KDELR3: variants seen among roughly 807,000 people sequenced by gnomAD.
KDELR3 encodes the protein ER lumen protein-retaining receptor 3.
A neutral mutation model predicts 22.7 loss-of-function variants in KDELR3; 26 were observed. The observed-to-expected ratio is 1.15, with a 90% confidence interval of 0.84 to 1.59. The LOEUF (loss-of-function observed/expected upper bound fraction) is 1.59, where lower values mean the gene tolerates loss of function less well. Among genes scored for constraint, KDELR3 ranks in the 40% most tolerant of loss-of-function variants. The pLI, the probability that KDELR3 is intolerant of heterozygous loss-of-function variation, is 0.00. For synonymous variants in KDELR3, 120 were observed against 98.2 expected (o/e 1.22, Z -1.31); for missense variants, 289 against 251.1 (o/e 1.15, Z -1.02).
In KDELR3 at chr22:38,470,464, G is replaced by A. The variant is rs372905115; in HGVS notation, c.91+2140G>A. ...TCCTAGGAAACTGAGCAAATGACAC[G>A]GTTTGTTGGAGGCCATAGTGAGTAC... On this transcript the variant is annotated intron_variant, in intron 1 of 4. Transcript: ENST00000216014. 3.3e-4 allele frequency among the ~76,000 whole-genome samples: 50 copies of A among 152,208 alleles called. No individual in the cohort carries two copies. In the South Asian group the frequency reaches 8.9e-3, roughly 27 times the overall value.
chr22:38,469,346 G>A (rs775942049), intron 1 of KDELR3, among the ~76,000 whole-genome samples: 1 of 152,246 alleles, frequency 6.6e-6, no homozygotes, highest in East Asian at 1.9e-4. Context: ...AGGCCAGGGA[G>A]TTGGGTCTGG....
chr22:38,469,511 G>C lies in KDELR3; in HGVS notation c.91+1187G>C, dbSNP rs116123683. 4.0e-3 allele frequency among the ~76,000 whole-genome samples: 604 copies of C among 152,314 alleles called. 3 individuals are homozygous for C. The highest frequency in any genetic ancestry group is 0.014 in the African/African-American group (576 of 41,564). On this transcript the variant is annotated intron_variant, in intron 1 of 4. Coordinates refer to ENST00000216014, the MANE Select transcript of KDELR3 (RefSeq NM_006855.4). ...AGCAACAGTACGGTGTGGAGGGAGT[G>C]GTTCTAGGCCTGGAGGCCATTTGGG...
In KDELR3 at chr22:38,474,535, A is replaced by G. The variant is rs749785777; in HGVS notation, c.104A>G (p.Lys35Arg). 4 of 1,613,830 alleles carry G rather than the reference A, an allele frequency of 2.5e-6. No individual in the cohort carries two copies. Among genetic ancestry groups the G allele is most frequent in the Non-Finnish European group, 3.4e-6 (4 of 1,179,894 alleles). The change falls in exon 2 of 5, where the codon AAG (lysine) becomes AGG (arginine). Residue 35 changes from lysine to arginine, a missense_variant. Transcript: ENST00000216014. Reference sequence around the variant, plus strand: ...CCCTTGGCCACAGGCATCTCTGGGAAGAGCCAGATCCTGTTTGCTCTCGTC... The same window carrying G: ...CCCTTGGCCACAGGCATCTCTGGGAGGAGCCAGATCCTGTTTGCTCTCGTC... ...RSKCCKGISG[K>R]SQILFALVFT...
rs1175289856 is a variant in KDELR3, at chr22:38,481,208, T to G, written c.352-4T>G. On this transcript the variant is annotated splice_polypyrimidine_tract_variant and splice_region_variant and intron_variant, in intron 3 of 4. Coordinates refer to ENST00000216014, the MANE Select transcript of KDELR3 (RefSeq NM_006855.4). ...AGTCTCTGGTTGCTTTCTCTTTGGC[T>G]CAGATCCTCTGGACTTTCTCTATCT... 1 of 1,611,736 alleles carries G rather than the reference T, an allele frequency of 6.2e-7. No individual in the cohort carries two copies. The highest frequency in any genetic ancestry group is 1.1e-5 in the South Asian group (1 of 90,866).
rs776582748 is a variant in KDELR3, at chr22:38,468,296, G to C, written c.63G>C (p.Gly21=). 1 of 1,613,870 alleles carries C rather than the reference G, an allele frequency of 6.2e-7. No individual in the cohort carries two copies. The highest frequency in any genetic ancestry group is 2.2e-5 in the East Asian group (1 of 44,856). The part of the protein sequence containing the change: ...SHLLAMILLL[G]KIWRSKCCKG... ...TCCTGGCCATGATCTTGCTGCTGGG[G>C]AAGATCTGGAGGTCCAAGTGCTGCA... The change falls in exon 1 of 5, where the codon GGG becomes GGC. Residue 21 remains glycine (G), a synonymous_variant. Coordinates refer to ENST00000216014, the MANE Select transcript of KDELR3 (RefSeq NM_006855.4).
chr22:38,473,713 C>G (rs2089539236), intron 1 of KDELR3, among the ~76,000 whole-genome samples: 1 of 152,136 alleles, frequency 6.6e-6, no homozygotes, highest in South Asian at 2.1e-4. Flanking sequence ...TGGGTCATGC[C>G]TGTAATCCCA....
At chr22:38,481,907 C>G (rs1161319563) in intron 4 of KDELR3, among the ~76,000 whole-genome samples, 1 of 152,180 alleles carries the variant, frequency 6.6e-6, no homozygotes, top group East Asian at 1.9e-4. Context: ...ACATAAAATA[C>G]ACTGATAGCT....
chr22:38,480,344 A>G (rs958106498), intron 3 of KDELR3, among the ~76,000 whole-genome samples: 1 of 151,914 alleles, frequency 6.6e-6, no homozygotes, highest in Admixed American at 6.6e-5. Context: ...GGGTTTCACC[A>G]TGTTGGCCAG....
intron 2 of KDELR3, 98 bp from the exon 3 acceptor site, chr22:38,479,495 C>A: frequency 1.8e-6 from 2 of 1,125,050 alleles, no homozygotes; most frequent in Non-Finnish European, 2.6e-6. Flanking sequence ...TACATTATGG[C>A]AGAACACTGA....
At position 38,468,209 on chromosome 22, in the gene KDELR3, G is replaced by C. The variant is rs374458084; in HGVS notation, c.-25G>C. The C allele has an allele frequency of 5.6e-6, 9 of 1,610,312 alleles. No homozygotes were observed. In the African/African-American group the frequency reaches 8.0e-5, roughly 14 times the overall value. On this transcript the variant is annotated 5_prime_UTR_variant, in exon 1 of 5. Coordinates refer to ENST00000216014, the MANE Select transcript of KDELR3 (RefSeq NM_006855.4). The stretch of plus-strand genomic sequence containing the variant: ...AGTTTCCTAGAAGTTTGCTGGGCGC[G>C]GGCGCACGACTGACTGGCTGGACCA...
intron 2 of KDELR3, among the ~76,000 whole-genome samples, chr22:38,476,465 G>A (rs1005701738): frequency 6.6e-6 from 1 of 151,834 alleles, no homozygotes; most frequent in Non-Finnish European, 1.5e-5. Flanking sequence ...TTATCTGCCC[G>A]CCTCGGCCTC....
intron 1 of KDELR3, chr22:38,474,256 G>A (rs2089543242): frequency 2.9e-6 from 1 of 339,582 alleles, no homozygotes; most frequent in Non-Finnish European, 5.5e-6. Context: ...GCAGGCACAC[G>A]CAGGGGGACT....
chr22:38,474,433 GC>G (rs1602658748), intron 1 of KDELR3, 89 bp from the exon 2 acceptor site: 32 of 1,002,558 alleles, frequency 3.2e-5, no homozygotes, highest in Non-Finnish European at 5.0e-5. Flanking sequence ...CACTCTAGAG[GC>G]CTCCCCAGCT....
At chr22:38,476,611 G>A (rs781533634) in intron 2 of KDELR3, among the ~76,000 whole-genome samples, 3 of 151,894 alleles carry the variant, frequency 2.0e-5, no homozygotes, top group Non-Finnish European at 1.5e-5. Flanking sequence ...TGCAACCTCT[G>A]CCTCCTGGAT....
At chr22:38,477,700 T>C (rs965966198) in intron 2 of KDELR3, among the ~76,000 whole-genome samples, 2 of 152,216 alleles carry the variant, frequency 1.3e-5, no homozygotes, top group East Asian at 1.9e-4. Context: ...AGGTTGCTGT[T>C]ACTTGTGAGG....
At chr22:38,481,692 CAG>C in intron 4 of KDELR3, 2 of 1,345,240 alleles carry the variant, frequency 1.5e-6, no homozygotes, top group South Asian at 1.6e-5. Context: ...TGACATTTGA[CAG>C]AATACTTGGT....
At chr22:38,476,012 C>T (rs2089555121) in intron 2 of KDELR3, among the ~76,000 whole-genome samples, 1 of 151,942 alleles carries the variant, frequency 6.6e-6, no homozygotes, top group South Asian at 2.1e-4. Context: ...GGCTCACTGC[C>T]TCAACTTCCC....
chr22:38,479,612 C>G lies in KDELR3; in HGVS notation c.212C>G (p.Ala71Gly). The change falls in exon 3 of 5, where the codon GCC (alanine) becomes GGC (glycine). Residue 71 changes from alanine to glycine, a missense_variant. By Grantham distance (60) the Ala-to-Gly change is moderately conservative. Coordinates refer to ENST00000216014, the MANE Select transcript of KDELR3 (RefSeq NM_006855.4). ...TVMKVVFLLC[A>G]YVTVYMIYGK... ...TTTTAGGTGGTTTTTCTCCTCTGTGCCTATGTTACAGTGTACATGATATAT... is the reference window on the plus strand; with the variant it reads ...TTTTAGGTGGTTTTTCTCCTCTGTGGCTATGTTACAGTGTACATGATATAT... 5 of 1,613,748 alleles carry G rather than the reference C, an allele frequency of 3.1e-6. No homozygotes were observed. The highest frequency in any genetic ancestry group is 3.4e-6 in the Non-Finnish European group (4 of 1,179,644).
intron 1 of KDELR3, among the ~76,000 whole-genome samples, chr22:38,472,189 G>C (rs2089529405): frequency 6.6e-6 from 1 of 151,944 alleles, no homozygotes; most frequent in African/African-American, 2.4e-5. Context: ...TGATAACCAA[G>C]ACTGCTGTCC....
Sources: gnomAD v4.1 joint callset for allele counts (sites outside exome capture counted in the v4.1 genomes callset) on GRCh38, gnomAD v4.1.1 for gene constraint, MANE v1.5 for transcripts, NCBI Gene and HGNC (gene_info 2026-07-23, HGNC 2026-07-21) for gene names.